Variants in BCOR observed in about 807,000 individuals in gnomAD.
The protein encoded by BCOR is BCL-6 corepressor.
A neutral mutation model predicts 86.7 loss-of-function variants in BCOR; 10 were observed. That is an observed-to-expected ratio of 0.12 (90% CI 0.07 to 0.20). The LOEUF (loss-of-function observed/expected upper bound fraction) is 0.20, where lower values mean the gene tolerates loss of function less well. BCOR is among the 10% of genes least tolerant of loss of function. BCOR has a pLI of 1.00. For missense variants in BCOR, 1,259 were observed against 1,452.1 expected (o/e 0.87, Z 2.16); for synonymous variants, 611 against 609.0 (o/e 1.00, Z -0.05).
At chrX:40,155,999 T>C (rs1407469136) in intron 1 of BCOR, among the ~76,000 whole-genome samples, 1 of 113,075 alleles carries the variant, frequency 8.8e-6, no homozygotes, top group Admixed American at 9.2e-5. Context: ...GGCTCCGAGT[T>C]CTGGGCACAG....
At chrX:40,140,179 G>A (rs913368277) in intron 1 of BCOR, among the ~76,000 whole-genome samples, 3 of 108,745 alleles carry the variant, frequency 2.8e-5, no homozygotes, top group Non-Finnish European at 5.7e-5. Context: ...ATACCTAAGC[G>A]GGGTGCAGTG....
intron 6 of BCOR, among the ~76,000 whole-genome samples, chrX:40,070,384 G>C (rs891806372): frequency 2.7e-5 from 3 of 111,783 alleles, no homozygotes; most frequent in Non-Finnish European, 5.7e-5. Context: ...CCTGCTGTAA[G>C]GACCAAAGGG....
rs1158746377 is a variant in BCOR, at chrX:40,097,680, G to C, written c.-506C>G. Among the ~76,000 whole-genome samples the C allele has an allele frequency of 1.8e-5, 2 of 108,482 alleles. No individual in the cohort carries two copies. Among genetic ancestry groups the C allele is most frequent in the South Asian group, 3.9e-4 (1 of 2,587 alleles). 94.2% of individuals were successfully genotyped at this position (108,482 alleles called of 115,157 possible). A position where few individuals can be genotyped will look rare whatever the true frequency, so the allele number is the denominator to read the frequency against. ...CGCCCGCGCTCGGGCAGGAGCCCCA[G>C]CGCCATGTTGACGGTTCGCCGCGAG... On this transcript the variant is annotated 5_prime_UTR_variant, in exon 1 of 15. Transcript: ENST00000378444.
chrX:40,129,156 A>C (rs1035466763), intron 1 of BCOR, among the ~76,000 whole-genome samples: 2 of 111,567 alleles, frequency 1.8e-5, no homozygotes, highest in African/African-American at 6.5e-5. Flanking sequence ...GGAAGGTGAC[A>C]TAGGAGAACG....
intron 1 of BCOR, among the ~76,000 whole-genome samples, chrX:40,104,796 CG>C (rs1340281595): frequency 8.8e-6 from 1 of 113,056 alleles, no homozygotes. Flanking sequence ...AGCTTGGCCG[CG>C]GTCTAAGCTC....
chrX:40,060,009 G>C (rs1934790821), intron 10 of BCOR, among the ~76,000 whole-genome samples: 1 of 111,968 alleles, frequency 8.9e-6, no homozygotes, highest in Non-Finnish European at 1.9e-5. Flanking sequence ...AACAAAGCTT[G>C]AGCAGCCTTT....
intron 1 of BCOR, among the ~76,000 whole-genome samples, chrX:40,087,720 C>T (rs1283082624): frequency 8.9e-6 from 1 of 112,269 alleles, no homozygotes; most frequent in Non-Finnish European, 1.9e-5. Context: ...CTAGCAACCA[C>T]TCCTCCCCCA....
rs1018302969 is a variant in BCOR, at chrX:40,173,063, G to C, written c.-41+3944C>G. ...TTCTTTTGCAAAATAAAGGCCAAAT[G>C]TTGGGCCTTCTAGTCTCTTCATATT... is the stretch of plus-strand genomic sequence containing the variant. On this transcript the variant is annotated intron_variant, in intron 1 of 14. Transcript: ENST00000342274. 4.5e-4 allele frequency among the ~76,000 whole-genome samples: 51 copies of C among 112,515 alleles called. No homozygotes were observed. The Admixed American group carries it at 4.8e-3, about 11-fold the overall frequency.
At chrX:40,144,393 T>C (rs1250006514) in intron 1 of BCOR, among the ~76,000 whole-genome samples, 1 of 111,651 alleles carries the variant, frequency 9.0e-6, no homozygotes, top group Non-Finnish European at 1.9e-5. Context: ...GCCTTTGATG[T>C]GTGAAGTTGC....
At chrX:40,101,927 C>G (rs1362512228), upstream of BCOR, among the ~76,000 whole-genome samples, 1 of 111,673 alleles carries the variant, frequency 9.0e-6, no homozygotes, top group Non-Finnish European at 1.9e-5. Context: ...AAAAACACAC[C>G]CACACTTATA....
At chrX:40,067,622 G>A (rs746189101) in intron 6 of BCOR, among the ~76,000 whole-genome samples, 6 of 111,637 alleles carry the variant, frequency 5.4e-5, no homozygotes, top group Non-Finnish European at 7.5e-5. Flanking sequence ...AGATCTTTCC[G>A]CAAACGAGAT....
chrX:40,098,484 G>A (rs901730093), upstream of BCOR, among the ~76,000 whole-genome samples: 13 of 111,693 alleles, frequency 1.2e-4, no homozygotes, highest in African/African-American at 4.2e-4. Flanking sequence ...GGCGGCGGGG[G>A]CGGCTCTCCC....
At chrX:40,066,930 C>T (rs1403417103) in intron 6 of BCOR, among the ~76,000 whole-genome samples, 1 of 97,796 alleles carries the variant, frequency 1.0e-5, no homozygotes, top group Non-Finnish European at 2.1e-5. Context: ...CACCCCCCCC[C>T]CCCCATCAAA....
intron 1 of BCOR, among the ~76,000 whole-genome samples, chrX:40,151,727 TGGC>T (rs1158381490): frequency 2.7e-5 from 3 of 112,039 alleles, no homozygotes; most frequent in Non-Finnish European, 3.8e-5. Context: ...GCCGCAGCGG[TGGC>T]GGCGGCGGCG....
At chrX:40,086,870 C>T (rs1276629500) in intron 1 of BCOR, among the ~76,000 whole-genome samples, 2 of 113,292 alleles carry the variant, frequency 1.8e-5, no homozygotes, top group African/African-American at 6.4e-5. Context: ...CAGGTTTCTC[C>T]GGAACAAGGG....
intron 1 of BCOR, among the ~76,000 whole-genome samples, chrX:40,164,771 G>A (rs1327130787): frequency 8.9e-6 from 1 of 112,350 alleles, no homozygotes; most frequent in Non-Finnish European, 1.9e-5. Flanking sequence ...TATGCAAGAA[G>A]TGTTAGCTTA....
Position 40,063,621 on chromosome X carries a change from A to G in BCOR, c.3834T>C (p.Ser1278=), listed in dbSNP as rs771979613. 11 of 1,210,205 alleles carry G rather than the reference A, an allele frequency of 9.1e-6. No homozygotes were observed. In the Admixed American group the frequency reaches 2.4e-4, roughly 26 times the overall value. The change falls in exon 8 of 15, where the codon AGT becomes AGC. Residue 1278 remains serine, a synonymous_variant. Coordinates refer to ENST00000378444, the MANE Select transcript of BCOR (RefSeq NM_001123385.2). ...GCCCCCGCATACCTTGTTCATTGTC[A>G]CTGGGTTTAAGAGACTCTTCCGACC... ...RSWSEESLKP[S]DNEQGLPVFS...
chrX:40,122,039 C>T (rs1937494536), intron 1 of BCOR, among the ~76,000 whole-genome samples: 1 of 111,933 alleles, frequency 8.9e-6, no homozygotes, highest in Admixed American at 9.5e-5. Flanking sequence ...ATCCTGCTTT[C>T]TCCATGAACT....
At chrX:40,122,595 C>T (rs1937502596) in intron 1 of BCOR, among the ~76,000 whole-genome samples, 1 of 111,993 alleles carries the variant, frequency 8.9e-6, no homozygotes, top group South Asian at 3.7e-4. Flanking sequence ...TGTGTCTGCA[C>T]AATTCCTGCT....
Sources: gnomAD v4.1 joint callset for allele counts (sites outside exome capture counted in the v4.1 genomes callset) on GRCh38, gnomAD v4.1.1 for gene constraint, MANE v1.5 for transcripts, NCBI Gene and HGNC (gene_info 2026-07-23, HGNC 2026-07-21) for gene names.